DOK5: variants seen among roughly 807,000 people sequenced by gnomAD.
DOK5 encodes downstream of tyrosine kinase 5.
Under a neutral mutation model 43.3 loss-of-function variants are expected in DOK5, and 27 were observed. The ratio of observed to expected loss-of-function variants is 0.62; its 90% CI spans 0.46 to 0.86. DOK5 has a LOEUF of 0.86. DOK5 is among the 40% of genes least tolerant of loss of function. The pLI, the probability that DOK5 is intolerant of heterozygous loss-of-function variation, is 0.00. For missense variants in DOK5, 373 were observed against 392.9 expected (o/e 0.95, Z 0.43); for synonymous variants, 146 against 140.1 (o/e 1.04, Z -0.30).
At chr20:54,562,910 G>T (rs1389636320) in intron 2 of DOK5, among the ~76,000 whole-genome samples, 2 of 152,168 alleles carry the variant, frequency 1.3e-5, no homozygotes, top group African/African-American at 4.8e-5. Flanking sequence ...ACCTGTGGAT[G>T]TGACTTTATT....
chr20:54,557,729 C>A (rs763607930), intron 2 of DOK5, among the ~76,000 whole-genome samples: 19 of 152,168 alleles, frequency 1.2e-4, no homozygotes, highest in Non-Finnish European at 2.8e-4. Context: ...AGCTCGCTCC[C>A]TTACTTTGTT....
At chr20:54,531,847 A>C (rs558609388) in intron 1 of DOK5, among the ~76,000 whole-genome samples, 5 of 152,378 alleles carry the variant, frequency 3.3e-5, no homozygotes, top group South Asian at 2.1e-4. Flanking sequence ...TAATTTGAGC[A>C]GTGCATAAAG....
At chr20:54,603,675 C>A (rs1045698373) in intron 5 of DOK5, among the ~76,000 whole-genome samples, 6 of 152,136 alleles carry the variant, frequency 3.9e-5, no homozygotes, top group Non-Finnish European at 7.3e-5. Context: ...CTACAACGCC[C>A]AGGACAGCCC....
At chr20:54,522,759 C>T (rs1038687304) in intron 1 of DOK5, among the ~76,000 whole-genome samples, 3 of 152,190 alleles carry the variant, frequency 2.0e-5, no homozygotes, top group African/African-American at 7.2e-5. Context: ...AAGTGATCCA[C>T]TTACCTCGGC....
chr20:54,556,281 CT>C (rs1329343808), intron 2 of DOK5, among the ~76,000 whole-genome samples: 2 of 152,140 alleles, frequency 1.3e-5, no homozygotes, highest in Non-Finnish European at 2.9e-5. Flanking sequence ...CCACTTATAC[CT>C]TTTTGAGTCC....
chr20:54,607,403 G>GGTGTGTGTGT (rs10684906), intron 5 of DOK5, among the ~76,000 whole-genome samples: 22,933 of 145,368 alleles, frequency 0.16, 2,022 homozygotes, highest in Admixed American at 0.23. Flanking sequence ...AGTGGTAAGT[G>GGTGTGTGTGT]GTGTGTGTGT....
chr20:54,536,581 G>T (rs1404376675), intron 1 of DOK5, among the ~76,000 whole-genome samples: 1 of 152,100 alleles, frequency 6.6e-6, no homozygotes, highest in African/African-American at 2.4e-5. Context: ...TGGAGGTAAA[G>T]AAGCCAACAA....
At chr20:54,615,419 T>G (rs1008347490) in intron 6 of DOK5, among the ~76,000 whole-genome samples, 2 of 151,972 alleles carry the variant, frequency 1.3e-5, no homozygotes, top group Admixed American at 6.6e-5. Context: ...TCTATCCAGG[T>G]GGGTCGAATA....
At chr20:54,600,792 T>G (rs1986278579) in intron 5 of DOK5, among the ~76,000 whole-genome samples, 2 of 152,256 alleles carry the variant, frequency 1.3e-5, no homozygotes, top group Admixed American at 1.3e-4. Flanking sequence ...TGTTCCTGTC[T>G]AGCTCAAGTT....
chr20:54,650,286 A>G, intron 7 of DOK5, 129 bp from the exon 8 acceptor site: 1 of 729,584 alleles, frequency 1.4e-6, no homozygotes, highest in East Asian at 2.7e-5. Flanking sequence ...TCATCCTGAG[A>G]GGCCTTTGGA....
chr20:54,489,894 A>T (rs1259992002), intron 1 of DOK5, among the ~76,000 whole-genome samples: 1 of 152,202 alleles, frequency 6.6e-6, no homozygotes, highest in Non-Finnish European at 1.5e-5. Flanking sequence ...GTAGAATTTC[A>T]TGAAAGTTGC....
intron 1 of DOK5, among the ~76,000 whole-genome samples, chr20:54,489,800 A>C (rs576878515): frequency 6.6e-6 from 1 of 152,272 alleles, no homozygotes; most frequent in Non-Finnish European, 1.5e-5. Flanking sequence ...AGTGCTATAG[A>C]CCACCCCTCA....
intron 1 of DOK5, among the ~76,000 whole-genome samples, chr20:54,496,633 G>C (rs1600662165): frequency 6.6e-6 from 1 of 151,944 alleles, no homozygotes; most frequent in African/African-American, 2.4e-5. Context: ...GGGCGTGGTG[G>C]CAGGCGCCTG....
chr20:54,619,554 G>A (rs1986919878), intron 6 of DOK5, among the ~76,000 whole-genome samples: 2 of 152,180 alleles, frequency 1.3e-5, no homozygotes, highest in Admixed American at 1.3e-4. Context: ...GGCTCCGGGT[G>A]GGGTGAGGGG....
At chr20:54,477,305 C>A (rs541035624) in intron 1 of DOK5, among the ~76,000 whole-genome samples, 10 of 152,292 alleles carry the variant, frequency 6.6e-5, no homozygotes, top group African/African-American at 2.4e-4. Context: ...GGAGGAACAT[C>A]CGCAATTATT....
chr20:54,505,970 G>A (rs2146682627), intron 1 of DOK5, among the ~76,000 whole-genome samples: 1 of 152,318 alleles, frequency 6.6e-6, no homozygotes, highest in Admixed American at 6.5e-5. Context: ...TCATGGGAAG[G>A]AAGGCACTAC....
intron 1 of DOK5, among the ~76,000 whole-genome samples, chr20:54,479,044 A>C (rs548902370): frequency 6.6e-6 from 1 of 152,048 alleles, no homozygotes; most frequent in Admixed American, 6.6e-5. Flanking sequence ...ACCTATGTAC[A>C]TATTGTATAA....
chr20:54,605,345 A>C (rs553572221), intron 5 of DOK5, among the ~76,000 whole-genome samples: 11 of 152,238 alleles, frequency 7.2e-5, no homozygotes, highest in Non-Finnish European at 1.2e-4. Context: ...AAAACGAGAG[A>C]ACAGAGTTTC....
chr20:54,610,545 C>G (rs754614273), intron 6 of DOK5, 22 bp downstream of exon 6: 2 of 1,452,576 alleles, frequency 1.4e-6, no homozygotes, highest in African/African-American at 2.9e-5. Context: ...ATTTCTTCCT[C>G]GTGTCCCAGT....
Sources: allele counts gnomAD v4.1 joint callset (sites outside exome capture counted in the v4.1 genomes callset), GRCh38; gene constraint gnomAD v4.1.1; transcripts MANE v1.5; gene names NCBI Gene and HGNC (gene_info 2026-07-23, HGNC 2026-07-21).